ZRANB3: variants seen among roughly 807,000 people sequenced by gnomAD.
ZRANB3 encodes the protein DNA annealing helicase and endonuclease ZRANB3.
A neutral mutation model predicts 133.8 loss-of-function variants in ZRANB3; 125 were observed. The observed-to-expected ratio is 0.93, with a 90% confidence interval of 0.81 to 1.08. The LOEUF (loss-of-function observed/expected upper bound fraction) is 1.08, where lower values mean the gene tolerates loss of function less well. Ranked by LOEUF, ZRANB3 falls within the 50% of genes least tolerant of loss-of-function variation. ZRANB3 has a pLI of 0.00. For missense variants in ZRANB3, 1,229 were observed against 1,275.5 expected (o/e 0.96, Z 0.56); for synonymous variants, 387 against 432.7 (o/e 0.89, Z 1.31).
chr2:135,375,837 C>T (rs1334694261), intron 3 of ZRANB3, among the ~76,000 whole-genome samples: 1 of 148,678 alleles, frequency 6.7e-6, no homozygotes, highest in Non-Finnish European at 1.5e-5. Context: ...GCCTGGGCAA[C>T]AAGAGCGAAA....
intron 20 of ZRANB3, 92 bp downstream of exon 20, chr2:135,202,739 TA>T: frequency 2.8e-6 from 4 of 1,423,934 alleles, no homozygotes; most frequent in Non-Finnish European, 3.8e-6. Flanking sequence ...AGACCAGAGA[TA>T]AATTCATCCA....
At chr2:135,374,021 A>G (rs1686306151) in intron 3 of ZRANB3, among the ~76,000 whole-genome samples, 1 of 152,158 alleles carries the variant, frequency 6.6e-6, no homozygotes, top group African/African-American at 2.4e-5. Flanking sequence ...AGTGTGATGT[A>G]AACAGTAATT....
At chr2:135,310,139 G>T (rs907812517) in intron 8 of ZRANB3, among the ~76,000 whole-genome samples, 10 of 152,114 alleles carry the variant, frequency 6.6e-5, no homozygotes, top group Admixed American at 2.6e-4. Context: ...GTTTTGCCAT[G>T]TTGGTCAGGC....
chr2:135,238,229 A>G (rs1000205840), intron 12 of ZRANB3, among the ~76,000 whole-genome samples: 8 of 152,184 alleles, frequency 5.3e-5, no homozygotes, highest in Admixed American at 5.2e-4. Context: ...TATATTTTCA[A>G]TGATGGTCAC....
At chr2:135,330,774 T>G (rs1684098835) in intron 6 of ZRANB3, among the ~76,000 whole-genome samples, 1 of 152,164 alleles carries the variant, frequency 6.6e-6, no homozygotes, top group South Asian at 2.1e-4. Context: ...TGGTTTAGTC[T>G]TGGGAGGGTG....
intron 8 of ZRANB3, among the ~76,000 whole-genome samples, chr2:135,289,470 G>A (rs988942565): frequency 2.0e-5 from 3 of 152,124 alleles, no homozygotes; most frequent in East Asian, 3.9e-4. Context: ...TGGCCAGGCC[G>A]GTCTTGAACT....
At chr2:135,299,600 T>C (rs1212870347) in intron 8 of ZRANB3, among the ~76,000 whole-genome samples, 1 of 152,200 alleles carries the variant, frequency 6.6e-6, no homozygotes, top group African/African-American at 2.4e-5. Context: ...CTATCGTCAT[T>C]ATTTACTATT....
chr2:135,431,121 A>G (rs962881044), intron 2 of ZRANB3, among the ~76,000 whole-genome samples: 1 of 150,784 alleles, frequency 6.6e-6, no homozygotes, highest in Non-Finnish European at 1.5e-5. Context: ...AAAAAAAAAA[A>G]AATAAATAAA....
At chr2:135,437,581 G>A (rs1689604289) in intron 2 of ZRANB3, among the ~76,000 whole-genome samples, 2 of 152,292 alleles carry the variant, frequency 1.3e-5, no homozygotes, top group South Asian at 4.1e-4. Flanking sequence ...GTTCACTTAT[G>A]ATGTGGGCCC....
At position 135,353,525 on chromosome 2, in the gene ZRANB3, G is replaced by T. The variant is rs778190422; in HGVS notation, c.284C>A (p.Thr95Lys). 6.2e-7 allele frequency: 1 copy of T among 1,611,212 alleles called. No homozygotes were observed. The highest frequency in any genetic ancestry group is 1.1e-5 in the South Asian group (1 of 90,752). ...VVPSSLRYPW[T>K]EEIEKWIPEL... ...TGGGATCCATTTTTCAATTTCTTCTGTCCAAGGGTACCTCAGAGACGAAGG... is the reference window on the plus strand; with the variant it reads ...TGGGATCCATTTTTCAATTTCTTCTTTCCAAGGGTACCTCAGAGACGAAGG... The change falls in exon 4 of 21, where the codon ACA (threonine) becomes AAA (lysine). Residue 95 changes from threonine (T) to lysine (K), a missense_variant. Coordinates refer to ENST00000264159, the MANE Select transcript of ZRANB3 (RefSeq NM_032143.4).
chr2:135,278,252 A>C (rs1392389973), intron 8 of ZRANB3, among the ~76,000 whole-genome samples: 1 of 152,194 alleles, frequency 6.6e-6, no homozygotes, highest in Non-Finnish European at 1.5e-5. Flanking sequence ...ATTTCATAGA[A>C]TCAAAATAGA....
At chr2:135,242,703 T>G (rs75213130) in intron 12 of ZRANB3, among the ~76,000 whole-genome samples, 1,794 of 152,278 alleles carry the variant, frequency 0.012, 31 homozygotes, top group African/African-American at 0.04. Flanking sequence ...GGAAAAAAGC[T>G]TCTGAACAGA....
chr2:135,270,540 C>T (rs1680464752), intron 10 of ZRANB3, among the ~76,000 whole-genome samples: 1 of 152,168 alleles, frequency 6.6e-6, no homozygotes, highest in South Asian at 2.1e-4. Context: ...CTTAGCACCT[C>T]CCCAGCTCTA....
At chr2:135,418,808 C>G (rs1688700979) in intron 2 of ZRANB3, among the ~76,000 whole-genome samples, 1 of 151,602 alleles carries the variant, frequency 6.6e-6, no homozygotes, top group Non-Finnish European at 1.5e-5. Context: ...TTCTAGGAAG[C>G]AGTGGTTCCT....
chr2:135,458,914 G>A (rs1239797465), intron 2 of ZRANB3, among the ~76,000 whole-genome samples: 2 of 152,036 alleles, frequency 1.3e-5, no homozygotes, highest in East Asian at 3.8e-4. Context: ...ATAAAACTCT[G>A]ATCAAAGCAG....
At chr2:135,489,063 T>C (rs893079553) in intron 2 of ZRANB3, among the ~76,000 whole-genome samples, 2 of 151,908 alleles carry the variant, frequency 1.3e-5, no homozygotes, top group Non-Finnish European at 2.9e-5. Context: ...GTTTGCAAGA[T>C]GACCTTTTGC....
intron 12 of ZRANB3, among the ~76,000 whole-genome samples, chr2:135,231,921 C>G (rs1304272857): frequency 1.3e-5 from 2 of 152,180 alleles, no homozygotes; most frequent in Non-Finnish European, 2.9e-5. Context: ...GTTCATCTCA[C>G]TGGGGAGTGT....
At chr2:135,393,077 A>T (rs1160660237) in intron 2 of ZRANB3, among the ~76,000 whole-genome samples, 1 of 152,030 alleles carries the variant, frequency 6.6e-6, no homozygotes, top group African/African-American at 2.4e-5. Flanking sequence ...TATGTTGTTC[A>T]GGTTGGTCTA....
intron 2 of ZRANB3, among the ~76,000 whole-genome samples, chr2:135,438,012 C>T (rs1398135852): frequency 1.3e-5 from 2 of 152,098 alleles, no homozygotes; most frequent in Non-Finnish European, 2.9e-5. Context: ...AATACATGTT[C>T]TCCTCCTCTG....
Sources: gnomAD v4.1 joint callset for allele counts (sites outside exome capture counted in the v4.1 genomes callset) on GRCh38, gnomAD v4.1.1 for gene constraint, MANE v1.5 for transcripts, NCBI Gene and HGNC (gene_info 2026-07-23, HGNC 2026-07-21) for gene names.